The following TUBA1C variants were observed in gnomAD, a reference collection of about 807,000 sequenced individuals.
TUBA1C encodes the protein tubulin alpha-1C chain.
A neutral mutation model predicts 34.9 loss-of-function variants in TUBA1C; 16 were observed. The observed-to-expected ratio is 0.46, with a 90% CI of 0.31 to 0.70. The LOEUF is 0.70. Among genes scored for constraint, TUBA1C ranks in the 30% least tolerant of loss-of-function variants. TUBA1C has a pLI of 0.05. For missense variants in TUBA1C, 329 were observed against 587.3 expected (o/e 0.56, Z 4.55); for synonymous variants, 177 against 215.9 (o/e 0.82, Z 1.58).
chr12:49,253,171 A>G (rs1421946901), intron 1 of TUBA1C, among the ~76,000 whole-genome samples: 1 of 152,062 alleles, frequency 6.6e-6, no homozygotes, highest in Non-Finnish European at 1.5e-5. Flanking sequence ...TGAGCAATAT[A>G]AACCCGCTGG....
chr12:49,251,717 T>C (rs1244142071), intron 1 of TUBA1C, among the ~76,000 whole-genome samples: 2 of 150,178 alleles, frequency 1.3e-5, no homozygotes. Flanking sequence ...GAGGTTGTAG[T>C]GAGCTGAGAT....
chr12:49,264,668 G>C (rs1368550016), upstream of TUBA1C: 3 of 153,136 alleles, frequency 2.0e-5, no homozygotes, highest in African/African-American at 4.8e-5. Flanking sequence ...GCTTCCCCTC[G>C]CTGGGGTTTT....
chr12:49,263,539 G>A (rs1175047831), upstream of TUBA1C, among the ~76,000 whole-genome samples: 1 of 151,886 alleles, frequency 6.6e-6, no homozygotes, highest in Non-Finnish European at 1.5e-5. Context: ...GTGAGTTGAA[G>A]TATATCTTGA....
chr12:49,271,653 TAG>T (rs951053521), intron 3 of TUBA1C, among the ~76,000 whole-genome samples: 33 of 152,326 alleles, frequency 2.2e-4, no homozygotes, highest in African/African-American at 7.9e-4. Flanking sequence ...ACCAGGGTGT[TAG>T]AACTTTGGCT....
intron 1 of TUBA1C, among the ~76,000 whole-genome samples, chr12:49,247,730 G>GGC (rs2136999518): frequency 6.6e-6 from 1 of 152,054 alleles, no homozygotes; most frequent in African/African-American, 2.4e-5. Flanking sequence ...GGCGGATCAC[G>GGC]AGGTTAGGAG....
chr12:49,245,490 TC>T, intron 1 of TUBA1C, among the ~76,000 whole-genome samples: 1 of 152,258 alleles, frequency 6.6e-6, no homozygotes, highest in Admixed American at 6.5e-5. Context: ...ATGCCTGTAG[TC>T]ACAGCTACTC....
intron 1 of TUBA1C, among the ~76,000 whole-genome samples, chr12:49,265,851 A>G (rs1165206069): frequency 6.7e-6 from 1 of 150,268 alleles, no homozygotes; most frequent in Non-Finnish European, 1.5e-5. Context: ...ACAAAAGGAT[A>G]TTTTCTTATA....
At chr12:49,232,209 G>A (rs190437186) in intron 1 of TUBA1C, among the ~76,000 whole-genome samples, 4 of 152,346 alleles carry the variant, frequency 2.6e-5, no homozygotes, top group Admixed American at 2.6e-4. Context: ...GCCTGAGGAT[G>A]CTGTGTGAAG....
rs777522591 is a variant in TUBA1C, at chr12:49,272,729, A to G, written c.852A>G (p.Glu284=). ...PVISAEKAYH[E]QLTVAEITNA... The stretch of plus-strand genomic sequence containing the variant: ...TCTCTGCTGAGAAAGCCTACCACGA[A>G]CAGCTTACTGTAGCAGAGATCACCA... The change falls in exon 4 of 4, where the codon GAA becomes GAG. Residue 284 remains glutamate (E), a synonymous_variant. Coordinates refer to ENST00000301072, the MANE Select transcript of TUBA1C (RefSeq NM_032704.5). 1.3e-5 allele frequency: 21 copies of G among 1,613,110 alleles called. 1 individual carries two copies. The South Asian group carries it at 2.2e-4, about 17-fold the overall frequency.
upstream of TUBA1C, among the ~76,000 whole-genome samples, chr12:49,263,919 A>G (rs1219380017): frequency 6.6e-6 from 1 of 152,070 alleles, no homozygotes; most frequent in Non-Finnish European, 1.5e-5. Context: ...TGATCATGTG[A>G]TATGAAAAGC....
intron 1 of TUBA1C, among the ~76,000 whole-genome samples, chr12:49,229,889 G>T (rs1396312950): frequency 6.6e-6 from 1 of 152,074 alleles, no homozygotes; most frequent in Non-Finnish European, 1.5e-5. Flanking sequence ...CTGGGTTCAA[G>T]CGATTCTCCT....
intron 1 of TUBA1C, among the ~76,000 whole-genome samples, 174 bp downstream of exon 1, chr12:49,265,358 C>A (rs992895175): frequency 6.6e-6 from 1 of 152,196 alleles, no homozygotes; most frequent in Admixed American, 6.5e-5. Context: ...ACTTGGCAGA[C>A]ACCAGTTCGG....
chr12:49,236,070 T>C lies in TUBA1C; in HGVS notation c.213+7904T>C, dbSNP rs566321624. On this transcript the variant is annotated intron_variant, in intron 1 of 3. Transcript: ENST00000541364. ...GAGGGTGACAGAAATGAAATTAATC[T>C]GGGAGTAGGGAGATGTTAAAATGTG... is the stretch of plus-strand genomic sequence containing the variant. Among the ~76,000 whole-genome samples the C allele has an allele frequency of 3.3e-5, 5 of 152,362 alleles. No individual in the cohort carries two copies. The South Asian group carries it at 1.0e-3, about 32-fold the overall frequency.
At chr12:49,269,793 T>C (rs1420580265) in intron 2 of TUBA1C, 35 bp from the exon 3 acceptor site, 9 of 1,613,734 alleles carry the variant, frequency 5.6e-6, no homozygotes, top group East Asian at 2.2e-5. Flanking sequence ...CCCCGCTCCT[T>C]GTCCCTCCTC....
chr12:49,253,086 TAAAAAAAAAAAA>T (rs896502071), intron 1 of TUBA1C, among the ~76,000 whole-genome samples: 6 of 95,606 alleles, frequency 6.3e-5, no homozygotes, highest in Non-Finnish European at 1.3e-4. Flanking sequence ...GACCCTATCT[TAAAAAAAAAAAA>T]AAAAAAAAAG....
intron 1 of TUBA1C, among the ~76,000 whole-genome samples, chr12:49,249,904 A>T (rs914891213): frequency 1.1e-4 from 17 of 151,938 alleles, no homozygotes; most frequent in Admixed American, 7.2e-4. Context: ...AGCGAAAAAA[A>T]TTTTTAAAAA....
In TUBA1C at chr12:49,273,785, G is replaced by A. The variant is rs1490339273; in HGVS notation, c.*558G>A. The A allele has an allele frequency of 5.9e-6, 1 of 170,882 alleles. No homozygotes were observed. Among genetic ancestry groups the A allele is most frequent in the Non-Finnish European group, 1.3e-5 (1 of 78,746 alleles). 10.6% of individuals were successfully genotyped at this position (170,882 alleles called of 1,614,324 possible). A position where few individuals can be genotyped will look rare whatever the true frequency, so the allele number is the denominator to read the frequency against. On this transcript the variant is annotated 3_prime_UTR_variant, in exon 4 of 4. Coordinates refer to ENST00000301072, the MANE Select transcript of TUBA1C (RefSeq NM_032704.5). Reference sequence around the variant, plus strand: ...GAGCCAGTGCTTCTCTAACTAAAATGGATGTGAATCACCTGTAGATATTAA... The same window carrying A: ...GAGCCAGTGCTTCTCTAACTAAAATAGATGTGAATCACCTGTAGATATTAA...
rs1555167050 is a variant in TUBA1C, at chr12:49,255,405, A to ATAT, written c.214-14060_214-14059insTAT. 8.5e-5 allele frequency among the ~76,000 whole-genome samples: 12 copies of ATAT among 141,308 alleles called. No homozygotes were observed. In the South Asian group the frequency reaches 9.1e-4, roughly 11 times the overall value. The allele number at this position is 141,308 out of a possible 152,430, so 92.7% of individuals were successfully genotyped here. A position where few individuals can be genotyped will look rare whatever the true frequency, so the allele number is the denominator to read the frequency against. On this transcript the variant is annotated intron_variant, in intron 1 of 3. Transcript: ENST00000541364. ...CCAGCAGCTGAACTTATCTTTAAAA[A>ATAT]ATATATATATATATATATATATATA...
chr12:49,255,549 G>A (rs1433341220), intron 1 of TUBA1C, among the ~76,000 whole-genome samples: 2 of 151,730 alleles, frequency 1.3e-5, no homozygotes, highest in Middle Eastern at 3.4e-3. Context: ...ACTCTACCTG[G>A]TAGATTCGTC....
Sources: allele counts gnomAD v4.1 joint callset (sites outside exome capture counted in the v4.1 genomes callset), GRCh38; gene constraint gnomAD v4.1.1; transcripts MANE v1.5; gene names NCBI Gene and HGNC (gene_info 2026-07-23, HGNC 2026-07-21).